The following CSPP1 variants were observed in gnomAD, a reference collection of about 807,000 sequenced individuals.
The protein encoded by CSPP1 is centrosome and spindle pole-associated protein 1.
In CSPP1, 126 loss-of-function variants were observed where a neutral mutation model predicts 164.4. That is an observed-to-expected ratio of 0.77 (90% CI 0.66 to 0.89). CSPP1 has a LOEUF of 0.89. CSPP1 is among the 40% of genes least tolerant of loss of function. The pLI, the probability that CSPP1 is intolerant of heterozygous loss-of-function variation, is 0.00. For missense variants in CSPP1, 1,395 were observed against 1,449.8 expected, an observed-to-expected ratio of 0.96 and a Z score of 0.61; for synonymous variants, 472 against 476.7, an observed-to-expected ratio of 0.99 and a Z score of 0.13.
chr8:67,067,760 G>A (rs1285653085), intron 1 of CSPP1, among the ~76,000 whole-genome samples: 1 of 151,264 alleles, frequency 6.6e-6, no homozygotes, highest in Non-Finnish European at 1.5e-5. Flanking sequence ...ACAACGCGCG[G>A]CTGCAGGCTC....
At chr8:67,171,609 G>T (rs1005232234) in intron 24 of CSPP1, among the ~76,000 whole-genome samples, 1 of 151,838 alleles carries the variant, frequency 6.6e-6, no homozygotes, top group African/African-American at 2.4e-5. Flanking sequence ...GTGCAGTGGC[G>T]TGATCTTGGC....
chr8:67,118,124 T>C (rs1217915125), intron 13 of CSPP1, 124 bp from the exon 14 acceptor site: 2 of 972,092 alleles, frequency 2.1e-6, no homozygotes, highest in East Asian at 2.5e-5. Flanking sequence ...TGGAGCAAGA[T>C]GGTGACATTT....
intron 24 of CSPP1, among the ~76,000 whole-genome samples, chr8:67,165,839 A>G (rs886369364): frequency 3.9e-5 from 6 of 152,228 alleles, no homozygotes; most frequent in African/African-American, 1.4e-4. Context: ...AAATGACTAA[A>G]TCTAGCGCAC....
At chr8:67,183,139 A>C (rs1425362267) in intron 28 of CSPP1, among the ~76,000 whole-genome samples, 2 of 152,234 alleles carry the variant, frequency 1.3e-5, no homozygotes, top group African/African-American at 4.8e-5. Context: ...CTAACCACAG[A>C]GTGTCAAAAT....
chr8:67,114,041 G>A, intron 11 of CSPP1, 179 bp downstream of exon 11: 1 of 455,252 alleles, frequency 2.2e-6, no homozygotes, highest in Non-Finnish European at 4.0e-6. Context: ...ATTTCCTTGA[G>A]GTAATTTTTC....
At chr8:67,126,811 A>T (rs1479300130) in intron 15 of CSPP1, among the ~76,000 whole-genome samples, 1 of 152,078 alleles carries the variant, frequency 6.6e-6, no homozygotes, top group Non-Finnish European at 1.5e-5. Flanking sequence ...CCTGGCTGGT[A>T]TCACTGTTTT....
chr8:67,095,268 T>C, intron 6 of CSPP1, 25 bp from the exon 7 acceptor site: 1 of 1,474,110 alleles, frequency 6.8e-7, no homozygotes, highest in Non-Finnish European at 9.1e-7. Flanking sequence ...AAGTTTTGTT[T>C]CTTTTTTCTT....
At chr8:67,192,826 T>C (rs1471988167) in intron 29 of CSPP1, among the ~76,000 whole-genome samples, 1 of 152,228 alleles carries the variant, frequency 6.6e-6, no homozygotes, top group East Asian at 1.9e-4. Flanking sequence ...TTCTATATTC[T>C]TCTTAATCTT....
Position 67,064,421 on chromosome 8 carries a change from C to G in CSPP1, c.-128C>G. 6.2e-7 allele frequency: 1 copy of G among 1,613,826 alleles called. No homozygotes were observed. The highest frequency in any genetic ancestry group is 1.1e-5 in the South Asian group (1 of 91,078). On this transcript the variant is annotated 5_prime_UTR_variant, in exon 1 of 31. Coordinates refer to ENST00000678616, the MANE Select transcript of CSPP1 (RefSeq NM_001382391.1). ...GTCATGCTGTTCCCGCTCCAGGTGG[C>G]CGCTGTAACCTCTTCGGTCCGCGAC...
At position 67,179,946 on chromosome 8, in the gene CSPP1, T is replaced by A. The variant is rs1361679158; in HGVS notation, c.3220+20T>A. The A allele has an allele frequency of 1.5e-6, 2 of 1,351,288 alleles. No homozygotes were observed. The highest frequency in any genetic ancestry group is 2.1e-6 in the Non-Finnish European group (2 of 943,672). The allele number at this position is 1,351,288 out of a possible 1,614,324, so 83.7% of individuals were successfully genotyped here. On this transcript the variant is annotated intron_variant, in intron 28 of 30. Transcript: ENST00000678616. ...TTATTGGTGAGTATATTTATTTTAT[T>A]AAGGCTATATTGTTTAAATATTAAA...
intron 1 of CSPP1, among the ~76,000 whole-genome samples, chr8:67,072,853 A>G (rs1164132632): frequency 6.7e-6 from 1 of 149,612 alleles, no homozygotes; most frequent in African/African-American, 2.5e-5. Context: ...CTGTGAAACA[A>G]CGAGAGAGCC....
intron 12 of CSPP1, chr8:67,115,218 A>C (rs1817685869): frequency 6.6e-6 from 1 of 152,268 alleles, no homozygotes; most frequent in African/African-American, 2.4e-5. Context: ...AGAAATGGCA[A>C]TTAGAGAAGT....
intron 3 of CSPP1, 152 bp from the exon 4 acceptor site, chr8:67,085,855 A>G: frequency 1.7e-6 from 1 of 582,348 alleles, no homozygotes; most frequent in Non-Finnish European, 3.1e-6. Flanking sequence ...TGAATGTATT[A>G]TCTATTGAGA....
intron 17 of CSPP1, among the ~76,000 whole-genome samples, chr8:67,145,703 T>C (rs548267384): frequency 6.6e-6 from 1 of 151,968 alleles, no homozygotes; most frequent in Non-Finnish European, 1.5e-5. Context: ...AATTTTTGTA[T>C]TTTTAGTAGA....
chr8:67,187,680 T>C (rs960170437), intron 28 of CSPP1, among the ~76,000 whole-genome samples: 9 of 152,000 alleles, frequency 5.9e-5, no homozygotes, highest in African/African-American at 2.2e-4. Context: ...AAAGACCTTG[T>C]CTCAAAAAAA....
At chr8:67,147,698 T>C (rs1824876527) in intron 17 of CSPP1, among the ~76,000 whole-genome samples, 1 of 152,128 alleles carries the variant, frequency 6.6e-6, no homozygotes. Flanking sequence ...TCCGAGATGC[T>C]GTCCAGACTT....
intron 13 of CSPP1, 44 bp from the exon 14 acceptor site, chr8:67,118,204 G>A (rs745869379): frequency 1.4e-5 from 23 of 1,599,060 alleles, no homozygotes; most frequent in African/African-American, 2.7e-5. Context: ...TTAAAAAATT[G>A]CAATGAAATA....
chr8:67,143,517 A>G (rs1361001772), intron 17 of CSPP1, among the ~76,000 whole-genome samples: 2 of 152,152 alleles, frequency 1.3e-5, no homozygotes, highest in African/African-American at 4.8e-5. Flanking sequence ...GATAATATTG[A>G]AACAGCCAGC....
At position 67,195,446 on chromosome 8, in the gene CSPP1, C is replaced by G; in HGVS notation, c.3534C>G (p.Asn1178Lys). The G allele has an allele frequency of 6.2e-7, 1 of 1,614,194 alleles. No individual in the cohort carries two copies. Among genetic ancestry groups the G allele is most frequent in the Non-Finnish European group, 8.5e-7 (1 of 1,180,020 alleles). Residue 1178 changes from asparagine to lysine, a missense_variant, in exon 31 of 31, where the codon AAC (asparagine) becomes AAG (lysine). Asn to Lys is a moderately conservative substitution (Grantham distance 94). Transcript: ENST00000678616. ...IMKHIGDDGS[N>K]SVATEPWLRP... ...AACACATAGGGGATGACGGATCAAA[C>G]TCTGTAGCAACTGAGCCCTGGCTCC...
Sources: gnomAD v4.1 joint callset for allele counts (sites outside exome capture counted in the v4.1 genomes callset) on GRCh38, gnomAD v4.1.1 for gene constraint, MANE v1.5 for transcripts, NCBI Gene and HGNC (gene_info 2026-07-23, HGNC 2026-07-21) for gene names.